RAP1A: variants seen among roughly 807,000 people sequenced by gnomAD.
RAP1A encodes ras-related protein Rap-1A.
In RAP1A, 6 loss-of-function variants were observed where a neutral mutation model predicts 26.4. The observed-to-expected ratio is 0.23, with a 90% confidence interval of 0.12 to 0.45. The LOEUF (loss-of-function observed/expected upper bound fraction) is 0.45, where lower values mean the gene tolerates loss of function less well. RAP1A is among the 20% of genes least tolerant of loss of function. The pLI, the probability that RAP1A is intolerant of heterozygous loss-of-function variation, is 0.99. For synonymous variants in RAP1A, 73 were observed against 79.4 expected, an observed-to-expected ratio of 0.92 and a Z score of 0.43; for missense variants, 121 against 217.2, an observed-to-expected ratio of 0.56 and a Z score of 2.78.
At chr1:111,707,016 G>A (rs1008987719) in intron 6 of RAP1A, among the ~76,000 whole-genome samples, 2 of 152,176 alleles carry the variant, frequency 1.3e-5, no homozygotes, top group African/African-American at 4.8e-5. Flanking sequence ...TTGAGTTCTT[G>A]AAGTTTTCAG....
intron 1 of RAP1A, among the ~76,000 whole-genome samples, chr1:111,684,209 T>A (rs140012946): frequency 6.6e-6 from 1 of 152,188 alleles, no homozygotes; most frequent in Non-Finnish European, 1.5e-5. Context: ...AGTATCATAC[T>A]GAATGGACAA....
At chr1:111,657,030 A>G (rs183822599) in intron 1 of RAP1A, among the ~76,000 whole-genome samples, 67 of 150,888 alleles carry the variant, frequency 4.4e-4, no homozygotes, top group African/African-American at 1.6e-3. Context: ...AACAACCACC[A>G]TTCTATTTTC....
intron 1 of RAP1A, among the ~76,000 whole-genome samples, chr1:111,581,709 C>A (rs1322894662): frequency 6.6e-6 from 1 of 152,264 alleles, no homozygotes; most frequent in South Asian, 2.1e-4. Flanking sequence ...AAATTGAATA[C>A]TATGTAGGTA....
chr1:111,696,735 AG>A (rs1337947669), intron 3 of RAP1A, among the ~76,000 whole-genome samples: 1 of 152,194 alleles, frequency 6.6e-6, no homozygotes, highest in Non-Finnish European at 1.5e-5. Context: ...TTATTAAAAC[AG>A]TTTTCCACAC....
Position 111,575,690 on chromosome 1 carries a change from T to A in RAP1A, c.-28+33181T>A, listed in dbSNP as rs1571479111. On this transcript the variant is annotated intron_variant, in intron 1 of 7. Coordinates refer to the RAP1A transcript ENST00000356415. ...ACCATGTGAGGAGACAGTGAGAAAG[T>A]GGCCATCTGCAAGCCACAGAGAGAG... Among the ~76,000 whole-genome samples, 12 of 152,214 alleles carry A rather than the reference T, an allele frequency of 7.9e-5. 2 individuals are homozygous for A. Among genetic ancestry groups the A allele is most frequent in the Admixed American group, 7.2e-4 (11 of 15,296 alleles).
intron 1 of RAP1A, among the ~76,000 whole-genome samples, chr1:111,600,530 C>T (rs886474731): frequency 2.6e-5 from 4 of 152,174 alleles, no homozygotes; most frequent in East Asian, 3.9e-4. Flanking sequence ...CCCTCTCCAG[C>T]GTTCTGCCTG....
chr1:111,566,734 G>A (rs1657925778), intron 1 of RAP1A, among the ~76,000 whole-genome samples: 1 of 152,154 alleles, frequency 6.6e-6, no homozygotes, highest in South Asian at 2.1e-4. Context: ...AAGGAGAAAT[G>A]TACTTGGGGT....
At chr1:111,609,517 G>A (rs556883852) in intron 1 of RAP1A, among the ~76,000 whole-genome samples, 1 of 152,154 alleles carries the variant, frequency 6.6e-6, no homozygotes, top group South Asian at 2.1e-4. Context: ...AGGCTCATAG[G>A]TTATTTCTCC....
intron 1 of RAP1A, among the ~76,000 whole-genome samples, chr1:111,579,379 G>C (rs1000258678): frequency 6.6e-6 from 1 of 152,162 alleles, no homozygotes; most frequent in Non-Finnish European, 1.5e-5. Context: ...AGCTATGATA[G>C]GAACCAGGAA....
intron 1 of RAP1A, among the ~76,000 whole-genome samples, chr1:111,596,110 A>G (rs770381407): frequency 5.2e-4 from 79 of 152,354 alleles, no homozygotes; most frequent in East Asian, 9.6e-4. Flanking sequence ...ACAGATAAAC[A>G]TAAGTGCAAT....
At chr1:111,588,794 T>G (rs906821183) in intron 1 of RAP1A, among the ~76,000 whole-genome samples, 7 of 152,188 alleles carry the variant, frequency 4.6e-5, no homozygotes, top group African/African-American at 1.4e-4. Flanking sequence ...AATGATTTGT[T>G]TATACGTCTG....
chr1:111,574,422 T>G (rs1047109174), intron 1 of RAP1A, among the ~76,000 whole-genome samples: 2 of 152,242 alleles, frequency 1.3e-5, no homozygotes, highest in African/African-American at 4.8e-5. Context: ...TTGCTTAGGA[T>G]TGCCTTGGCT....
At chr1:111,689,923 G>T (rs568921329) in intron 1 of RAP1A, among the ~76,000 whole-genome samples, 3 of 152,070 alleles carry the variant, frequency 2.0e-5, no homozygotes, top group Non-Finnish European at 1.5e-5. Flanking sequence ...TGATCCACCC[G>T]CCTCGACCTC....
intron 4 of RAP1A, among the ~76,000 whole-genome samples, chr1:111,700,748 C>T (rs1395325945): frequency 6.6e-6 from 1 of 152,192 alleles, no homozygotes; most frequent in African/African-American, 2.4e-5. Context: ...TCTTTCCAGT[C>T]TTTCCCATCT....
chr1:111,570,877 AC>A (rs1658035635), intron 1 of RAP1A, among the ~76,000 whole-genome samples: 1 of 152,216 alleles, frequency 6.6e-6, no homozygotes, highest in Non-Finnish European at 1.5e-5. Flanking sequence ...AACAACTCCC[AC>A]CAAGCGCCAC....
intron 1 of RAP1A, among the ~76,000 whole-genome samples, chr1:111,548,838 T>C (rs1657137821): frequency 6.6e-6 from 1 of 152,244 alleles, no homozygotes; most frequent in Non-Finnish European, 1.5e-5. Context: ...ACAAATGTGA[T>C]GTTTGTTCTT....
intron 1 of RAP1A, among the ~76,000 whole-genome samples, chr1:111,639,669 A>G (rs1254018602): frequency 6.6e-6 from 1 of 152,014 alleles, no homozygotes; most frequent in African/African-American, 2.4e-5. Flanking sequence ...CTCTCATGAG[A>G]GTACTGCACT....
chr1:111,572,514 A>G (rs1658070942), intron 1 of RAP1A, among the ~76,000 whole-genome samples: 1 of 152,238 alleles, frequency 6.6e-6, no homozygotes, highest in Admixed American at 6.5e-5. Context: ...CTTTGGAGGC[A>G]ATAGGCTGGA....
At chr1:111,543,277 A>AAC (rs1656910001) in intron 1 of RAP1A, among the ~76,000 whole-genome samples, 1 of 151,570 alleles carries the variant, frequency 6.6e-6, no homozygotes, top group Non-Finnish European at 1.5e-5. Context: ...GTGTTGTATA[A>AAC]ATATATATAT....
Sources: allele counts gnomAD v4.1 joint callset (sites outside exome capture counted in the v4.1 genomes callset), GRCh38; gene constraint gnomAD v4.1.1; transcripts MANE v1.5; gene names NCBI Gene and HGNC (gene_info 2026-07-23, HGNC 2026-07-21).